The following FMO5 variants were observed in gnomAD, a reference collection of about 807,000 sequenced individuals.
FMO5 encodes flavin containing dimethylaniline monoxygenase 5.
In FMO5, 51 loss-of-function variants were observed where a neutral mutation model predicts 43.6. The observed-to-expected ratio is 1.17, with a 90% confidence interval of 0.93 to 1.48. The LOEUF (loss-of-function observed/expected upper bound fraction) is 1.48. Among genes scored for constraint, FMO5 ranks in the 40% most tolerant of loss-of-function variants. FMO5 has a pLI of 0.00. For synonymous variants in FMO5, 187 were observed against 216.5 expected, an observed-to-expected ratio of 0.86 and a Z score of 1.20; for missense variants, 644 against 643.0, an observed-to-expected ratio of 1.00 and a Z score of -0.02.
At chr1:147,190,868 G>T (rs868951194) in intron 7 of FMO5, among the ~76,000 whole-genome samples, 1 of 151,686 alleles carries the variant, frequency 6.6e-6, no homozygotes, top group African/African-American at 2.4e-5. Flanking sequence ...GGAGTGTGAT[G>T]TTCCCCTTCC....
Position 147,213,373 on chromosome 1 carries a change from A to G in FMO5, c.422T>C (p.Phe141Ser). The G allele has an allele frequency of 6.2e-7, 1 of 1,613,656 alleles. No homozygotes were observed. The highest frequency in any genetic ancestry group is 8.5e-7 in the Non-Finnish European group (1 of 1,179,810). ...GCCAGTGCAAACCATGACTCCATCA[A>G]AGACATTCATCTCCTTTTTCCCTTC... ...ESEGKKEMNV[F>S]DGVMVCTGHH... Residue 141 changes from phenylalanine (F) to serine (S), a missense_variant, in exon 4 of 9, where the codon TTT becomes TCT. Phe to Ser is a radical substitution (Grantham distance 155). Coordinates refer to ENST00000254090, the MANE Select transcript of FMO5 (RefSeq NM_001461.4).
intron 2 of FMO5, among the ~76,000 whole-genome samples, chr1:147,220,159 A>G (rs1243199065): frequency 6.6e-6 from 1 of 152,138 alleles, no homozygotes; most frequent in East Asian, 1.9e-4. Context: ...TATATACTAG[A>G]ATGAACAACT....
chr1:147,225,065 T>A lies in FMO5; in HGVS notation c.-36A>T. 6.2e-7 allele frequency: 1 copy of A among 1,613,542 alleles called. No homozygotes were observed. The highest frequency in any genetic ancestry group is 8.5e-7 in the Non-Finnish European group (1 of 1,179,694). ...GATCTTCACCTGTTAGTGTCGCCTGTCCTAAAGAAAGGATGACAAAAGACA... is the reference window on the plus strand; with the variant it reads ...GATCTTCACCTGTTAGTGTCGCCTGACCTAAAGAAAGGATGACAAAAGACA... On this transcript the variant is annotated splice_region_variant and 5_prime_UTR_variant, in exon 2 of 9. Coordinates refer to ENST00000254090, the MANE Select transcript of FMO5 (RefSeq NM_001461.4).
chr1:147,199,498 C>A (rs1217445423), intron 7 of FMO5, among the ~76,000 whole-genome samples: 1 of 152,168 alleles, frequency 6.6e-6, no homozygotes, highest in Non-Finnish European at 1.5e-5. Context: ...TCCCTAAGAT[C>A]CCATAATCTC....
At chr1:147,213,563 C>T in intron 3 of FMO5, 93 bp from the exon 4 acceptor site, 1 of 1,039,522 alleles carries the variant, frequency 9.6e-7, no homozygotes. Context: ...GACACTATCA[C>T]ATAATAGGAC....
intron 6 of FMO5, among the ~76,000 whole-genome samples, chr1:147,202,835 A>G (rs782580215): frequency 1.6e-4 from 24 of 152,118 alleles, no homozygotes; most frequent in Non-Finnish European, 1.6e-4. Context: ...ATCCATCCAT[A>G]TAGTTGCCCA....
chr1:147,201,919 T>C (rs1306290298), intron 6 of FMO5, among the ~76,000 whole-genome samples: 1 of 152,246 alleles, frequency 6.6e-6, no homozygotes, highest in Non-Finnish European at 1.5e-5. Flanking sequence ...TTTAGGCCAC[T>C]GTTTTCCAAA....
chr1:147,223,237 T>C (rs782564210), intron 2 of FMO5, among the ~76,000 whole-genome samples: 3 of 152,200 alleles, frequency 2.0e-5, no homozygotes, highest in Non-Finnish European at 4.4e-5. Context: ...TGCTGTTTAC[T>C]AAAAACAACA....
intron 6 of FMO5, chr1:147,204,940 C>T: frequency 6.5e-7 from 1 of 1,533,872 alleles, no homozygotes; most frequent in Non-Finnish European, 9.0e-7. Flanking sequence ...CATGGCCAGC[C>T]TGCAGGAAGC....
intron 5 of FMO5, 112 bp from the exon 6 acceptor site, chr1:147,209,163 T>G: frequency 1.3e-6 from 1 of 781,328 alleles, no homozygotes; most frequent in Non-Finnish European, 2.0e-6. Context: ...CTCACGCCTG[T>G]AATCCCAGCA....
intron 7 of FMO5, among the ~76,000 whole-genome samples, chr1:147,195,804 AC>A: frequency 6.6e-6 from 1 of 152,292 alleles, no homozygotes; most frequent in South Asian, 2.1e-4. Context: ...TTTACCTGAT[AC>A]AAGCATTCTT....
At chr1:147,191,871 T>C (rs1209492151) in intron 7 of FMO5, among the ~76,000 whole-genome samples, 1 of 152,148 alleles carries the variant, frequency 6.6e-6, no homozygotes, top group Non-Finnish European at 1.5e-5. Flanking sequence ...TTGATCTATA[T>C]CTCCCTTTTG....
chr1:147,208,827 C>T (rs782713436), intron 6 of FMO5, 25 bp downstream of exon 6: 11 of 1,598,892 alleles, frequency 6.9e-6, no homozygotes, highest in Non-Finnish European at 8.6e-6. Flanking sequence ...GCCACTATCC[C>T]TGCACTCCCA....
At chr1:147,195,227 A>G (rs1309212680) in intron 7 of FMO5, among the ~76,000 whole-genome samples, 1 of 151,996 alleles carries the variant, frequency 6.6e-6, no homozygotes, top group Non-Finnish European at 1.5e-5. Context: ...TTTTTTCTCT[A>G]AACTTCCCTT....
At chr1:147,217,351 G>A (rs781895135) in intron 2 of FMO5, among the ~76,000 whole-genome samples, 21 of 151,928 alleles carry the variant, frequency 1.4e-4, no homozygotes, top group South Asian at 2.1e-4. Flanking sequence ...GCCTGTCACC[G>A]AGATTTCACA....
intron 7 of FMO5, among the ~76,000 whole-genome samples, chr1:147,194,700 C>T (rs1553919399): frequency 1.3e-5 from 2 of 151,932 alleles, no homozygotes; most frequent in Non-Finnish European, 1.5e-5. Context: ...TAGAGCAGGC[C>T]TGGTGGTCAC....
rs1287447390 is a variant in FMO5 at position 147,187,178 on chromosome 1, A to C, written c.1324T>G (p.Leu442Val). The C allele has an allele frequency of 3.1e-6, 5 of 1,614,014 alleles. No homozygotes were observed. In the African/African-American group the frequency reaches 6.7e-5, roughly 22 times the overall value. Residue 442 changes from leucine (L) to valine (V), a missense_variant, in exon 9 of 9, where the codon TTG becomes GTG. Coordinates refer to ENST00000254090, the MANE Select transcript of FMO5 (RefSeq NM_001461.4). ...YIDTMEELADLVGVRPNLLSL... is the reference protein window; with the variant it reads ...YIDTMEELADVVGVRPNLLSL... Reference sequence around the variant, plus strand: ...AGCAGATTGGGCCTGACCCCCACCAAATCAGCAAGCTCTTCCATGGTATCT... The same window carrying C: ...AGCAGATTGGGCCTGACCCCCACCACATCAGCAAGCTCTTCCATGGTATCT...
rs1456277239 is a variant in FMO5, at chr1:147,224,924, C to A, written c.106G>T (p.Asp36Tyr). ...GLEPVCFERT[D>Y]DIGGLWRFQE... ...AACCTCCAGAGCCCTCCGATGTCAT[C>A]AGTCCTTTCAAAGCAGACAGGTTCC... The change falls in exon 2 of 9, where the codon GAT (aspartate) becomes TAT (tyrosine). Residue 36 changes from aspartate (D) to tyrosine (Y), a missense_variant. Transcript: ENST00000254090. 5 of 1,614,118 alleles carry A rather than the reference C, an allele frequency of 3.1e-6. No individual in the cohort carries two copies. In the East Asian group the frequency reaches 1.1e-4, roughly 36 times the overall value.
intron 8 of FMO5, 47 bp downstream of exon 8, chr1:147,190,130 A>G: frequency 8.0e-7 from 1 of 1,252,980 alleles, no homozygotes; most frequent in Non-Finnish European, 1.2e-6. Context: ...TTTTATTAAG[A>G]AATAAGTAGA....
Sources: gnomAD v4.1 joint callset for allele counts (sites outside exome capture counted in the v4.1 genomes callset) on GRCh38, gnomAD v4.1.1 for gene constraint, MANE v1.5 for transcripts, NCBI Gene and HGNC (gene_info 2026-07-23, HGNC 2026-07-21) for gene names.